The following TBC1D14 variants were observed in gnomAD, a reference collection of about 807,000 sequenced individuals.
TBC1D14 encodes the protein TBC1 domain family, member 14.
In TBC1D14, 26 loss-of-function variants were observed where a neutral mutation model predicts 79.0. The observed-to-expected ratio is 0.33, with a 90% confidence interval of 0.24 to 0.46. The LOEUF is 0.46. Ranked by LOEUF, TBC1D14 falls within the 20% of genes least tolerant of loss-of-function variation. The pLI, the probability that TBC1D14 is intolerant of heterozygous loss-of-function variation, is 1.00. For missense variants in TBC1D14, 769 were observed against 887.6 expected (o/e 0.87, Z 1.70); for synonymous variants, 394 against 349.9 (o/e 1.13, Z -1.40).
In TBC1D14 at chr4:7,025,006, T is replaced by C. The variant is rs2109315325; in HGVS notation, c.1760T>C (p.Ile587Thr). 1.9e-6 allele frequency: 3 copies of C among 1,614,032 alleles called. No individual in the cohort carries two copies. The East Asian group carries it at 6.7e-5, about 36-fold the overall frequency. Residue 587 changes from isoleucine (I) to threonine (T), a missense_variant and splice_region_variant, in exon 13 of 14, where the codon ATC becomes ACC. Ile to Thr is a moderately conservative substitution (Grantham distance 89). This residue lies in a region of TBC1D14 where 367 missense variants were observed against 494.4 expected (regional missense o/e 0.74). Transcript: ENST00000409757. ...AAATTCCAACTTTTACCCCCTAGGA[T>C]CTTTACCTTATATAGTAAATCTCTG... ...LTPDIYLIDW[I>T]FTLYSKSLPL...
At chr4:6,988,302 A>G (rs1336349933) in intron 3 of TBC1D14, among the ~76,000 whole-genome samples, 2 of 152,252 alleles carry the variant, frequency 1.3e-5, no homozygotes, top group African/African-American at 4.8e-5. Flanking sequence ...TTCATAGTAT[A>G]TAGTGACAGT....
intron 11 of TBC1D14, among the ~76,000 whole-genome samples, chr4:7,013,008 C>T (rs1720924695): frequency 6.6e-6 from 1 of 152,298 alleles, no homozygotes; most frequent in South Asian, 2.1e-4. Context: ...TGATTCCCAT[C>T]TAAGTTTCTG....
At chr4:6,999,442 A>T (rs893126122) in intron 6 of TBC1D14, among the ~76,000 whole-genome samples, 14 of 152,108 alleles carry the variant, frequency 9.2e-5, no homozygotes, top group African/African-American at 3.1e-4. Context: ...CTTCTAAAGC[A>T]TGAGTCAGTG....
At chr4:6,937,590 T>TG (rs1712463606) in intron 2 of TBC1D14, among the ~76,000 whole-genome samples, 1 of 152,064 alleles carries the variant, frequency 6.6e-6, no homozygotes. Flanking sequence ...GAAGCGTTGC[T>TG]GGGGGGCAGC....
chr4:6,960,990 C>G (rs1456116473), intron 2 of TBC1D14, among the ~76,000 whole-genome samples: 1 of 152,172 alleles, frequency 6.6e-6, no homozygotes, highest in Admixed American at 6.5e-5. Context: ...GTGGACCTCG[C>G]TCCTAATTAT....
At chr4:6,986,270 G>T (rs1295342684) in intron 3 of TBC1D14, among the ~76,000 whole-genome samples, 1 of 152,196 alleles carries the variant, frequency 6.6e-6, no homozygotes, top group Non-Finnish European at 1.5e-5. Context: ...GTTGGTGGAC[G>T]TTCTGGTTGG....
At chr4:6,956,992 C>T (rs1161304989) in intron 2 of TBC1D14, among the ~76,000 whole-genome samples, 3 of 152,224 alleles carry the variant, frequency 2.0e-5, no homozygotes, top group East Asian at 3.8e-4. Flanking sequence ...TCCACCACAC[C>T]CCACAGCTTT....
At chr4:6,987,213 C>A in intron 3 of TBC1D14, 1 of 1,238,484 alleles carries the variant, frequency 8.1e-7, no homozygotes. Flanking sequence ...CCTGCCGCCC[C>A]GCCCCGCCCC....
At chr4:6,924,740 G>C (rs917429197) in intron 2 of TBC1D14, among the ~76,000 whole-genome samples, 3 of 152,174 alleles carry the variant, frequency 2.0e-5, no homozygotes, top group East Asian at 1.9e-4. Flanking sequence ...TGAAGCCCTG[G>C]GGGGGCCGCG....
chr4:6,919,735 C>G (rs1472518292), intron 1 of TBC1D14, among the ~76,000 whole-genome samples: 11 of 152,130 alleles, frequency 7.2e-5, no homozygotes, highest in African/African-American at 2.4e-4. Flanking sequence ...ATTCTCCTGC[C>G]TCAGCCTCCT....
chr4:7,020,494 C>T (rs1485469581), intron 12 of TBC1D14, among the ~76,000 whole-genome samples: 1 of 152,154 alleles, frequency 6.6e-6, no homozygotes, highest in Non-Finnish European at 1.5e-5. Context: ...CATGAGCCAG[C>T]CTGGGAGTGA....
At chr4:7,017,405 A>G (rs1399294774) in intron 12 of TBC1D14, among the ~76,000 whole-genome samples, 1 of 152,126 alleles carries the variant, frequency 6.6e-6, no homozygotes, top group Non-Finnish European at 1.5e-5. Flanking sequence ...ACTCAAGTCT[A>G]CCCGGCTCTA....
At chr4:6,916,336 G>T (rs957177248) in intron 1 of TBC1D14, among the ~76,000 whole-genome samples, 1 of 150,698 alleles carries the variant, frequency 6.6e-6, no homozygotes, top group Admixed American at 6.6e-5. Context: ...CCAGCCCTGC[G>T]AAGAGGCTTC....
At chr4:6,935,098 G>T (rs1418327898) in intron 2 of TBC1D14, among the ~76,000 whole-genome samples, 1 of 152,160 alleles carries the variant, frequency 6.6e-6, no homozygotes, top group Non-Finnish European at 1.5e-5. Context: ...TTCCAGCCTG[G>T]GTGACAGAGT....
At position 6,996,423 on chromosome 4, in the gene TBC1D14, C is replaced by G. The variant is rs1477473872; in HGVS notation, c.1045+16C>G. 2.5e-6 allele frequency: 4 copies of G among 1,594,032 alleles called. No homozygotes were observed. The highest frequency in any genetic ancestry group is 3.4e-6 in the Non-Finnish European group (4 of 1,162,386). Reference sequence around the variant, plus strand: ...AAAAAGCGAGGTAATGGGGTTCACACTTGATGGGTTAAATCAGGCAGCACA... The same window carrying G: ...AAAAAGCGAGGTAATGGGGTTCACAGTTGATGGGTTAAATCAGGCAGCACA... On this transcript the variant is annotated intron_variant, in intron 5 of 13. Transcript: ENST00000409757.
At chr4:6,971,078 T>G (rs1002894895) in intron 3 of TBC1D14, among the ~76,000 whole-genome samples, 1 of 151,360 alleles carries the variant, frequency 6.6e-6, no homozygotes, top group Admixed American at 6.6e-5. Context: ...GCTTTGGACC[T>G]GCTTCAAGGA....
intron 13 of TBC1D14, among the ~76,000 whole-genome samples, chr4:7,027,461 A>G (rs1446383093): frequency 8.4e-6 from 1 of 118,696 alleles, no homozygotes; most frequent in African/African-American, 3.3e-5. Context: ...CGCACAGATC[A>G]CCCCCACGCA....
chr4:6,978,066 A>G (rs1716956179), intron 3 of TBC1D14, among the ~76,000 whole-genome samples: 2 of 142,520 alleles, frequency 1.4e-5, no homozygotes, highest in African/African-American at 5.3e-5. Flanking sequence ...TCTGGGAGGG[A>G]GGTGGGGGTC....
intron 11 of TBC1D14, among the ~76,000 whole-genome samples, chr4:7,013,979 G>C (rs6841389): frequency 0.068 from 10,324 of 152,228 alleles, 432 homozygotes; most frequent in African/African-American, 0.12. Flanking sequence ...TCGATCTCCT[G>C]ACCTCATGAT....
Sources: allele counts gnomAD v4.1 joint callset (sites outside exome capture counted in the v4.1 genomes callset), GRCh38; gene constraint gnomAD v4.1.1; regional missense constraint gnomAD v4.1.1; transcripts MANE v1.5; gene names NCBI Gene and HGNC (gene_info 2026-07-23, HGNC 2026-07-21).